ACTR3: variants seen among roughly 807,000 people sequenced by gnomAD.
ACTR3 encodes actin-related protein 3.
ACTR3 carries 12 observed loss-of-function variants against 56.8 expected under a neutral mutation model. The ratio of observed to expected loss-of-function variants is 0.21; its 90% CI spans 0.14 to 0.34. ACTR3 has a LOEUF of 0.34. Ranked by LOEUF, ACTR3 falls within the 10% of genes least tolerant of loss-of-function variation. The pLI, the probability that ACTR3 is intolerant of heterozygous loss-of-function variation, is 1.00. For synonymous variants in ACTR3, 162 were observed against 167.4 expected (o/e 0.97, Z 0.25); for missense variants, 282 against 512.5 (o/e 0.55, Z 4.34).
At chr2:113,950,402 A>G (rs1206074988) in intron 8 of ACTR3, among the ~76,000 whole-genome samples, 2 of 152,238 alleles carry the variant, frequency 1.3e-5, no homozygotes, top group Non-Finnish European at 2.9e-5. Context: ...TGTTTATAGT[A>G]TGAGAGCTGA....
At chr2:113,904,763 G>C (rs1327519204) in intron 1 of ACTR3, 1 of 152,164 alleles carries the variant, frequency 6.6e-6, no homozygotes, top group Non-Finnish European at 1.5e-5. Context: ...ATGTTTGAAA[G>C]CACCTCAGTG....
intron 2 of ACTR3, among the ~76,000 whole-genome samples, chr2:113,915,131 TACTG>T (rs946387437): frequency 6.6e-6 from 1 of 152,232 alleles, no homozygotes; most frequent in Middle Eastern, 3.2e-3. Context: ...TGTATGTACT[TACTG>T]GTTTCTTTAA....
At position 113,957,695 on chromosome 2, in the gene ACTR3, G is replaced by T; in HGVS notation, c.*240G>T. 2 of 428,368 alleles carry T rather than the reference G, an allele frequency of 4.7e-6. No individual in the cohort carries two copies. The highest frequency in any genetic ancestry group is 8.4e-6 in the Non-Finnish European group (2 of 236,694). The allele number at this position is 428,368 out of a possible 1,614,324, so 26.5% of individuals were successfully genotyped here. On this transcript the variant is annotated 3_prime_UTR_variant, in exon 12 of 12. Transcript: ENST00000263238. ...ATCTTATGTGTAACAAAAAGAAGTG[G>T]GTTTTAGTTCTTTCTGTGCCCTGAT...
chr2:113,928,180 T>A (rs953222851), intron 4 of ACTR3, among the ~76,000 whole-genome samples: 7 of 152,224 alleles, frequency 4.6e-5, no homozygotes, highest in African/African-American at 1.4e-4. Flanking sequence ...CATCACAATT[T>A]TTGGTTAAAT....
chr2:113,923,751 TCTC>T (rs1240446453), intron 3 of ACTR3, among the ~76,000 whole-genome samples: 5 of 151,602 alleles, frequency 3.3e-5, no homozygotes, highest in South Asian at 4.2e-4. Context: ...TTTTTTCTCT[TCTC>T]ATAAAATGGG....
intron 8 of ACTR3, among the ~76,000 whole-genome samples, chr2:113,947,929 T>C (rs1266814631): frequency 6.6e-6 from 1 of 152,014 alleles, no homozygotes; most frequent in East Asian, 1.9e-4. Context: ...TTTTGTTTTC[T>C]TTTTTTTAAA....
At chr2:113,952,907 C>T (rs1010168552) in intron 10 of ACTR3, 3 of 152,184 alleles carry the variant, frequency 2.0e-5, no homozygotes, top group African/African-American at 7.2e-5. Context: ...ACCCACATAT[C>T]TATCTACCCT....
chr2:113,930,903 T>C (rs548455256), intron 4 of ACTR3, among the ~76,000 whole-genome samples: 41 of 152,342 alleles, frequency 2.7e-4, no homozygotes, highest in African/African-American at 8.9e-4. Context: ...ATTACTTAGA[T>C]GAGGGCTCTC....
intron 1 of ACTR3, among the ~76,000 whole-genome samples, chr2:113,898,529 T>C (rs986169247): frequency 3.3e-5 from 5 of 152,190 alleles, no homozygotes; most frequent in Admixed American, 3.3e-4. Flanking sequence ...GTTAAAGTAG[T>C]TTTAGTTGAA....
chr2:113,937,168 ATC>A (rs1679843632), intron 6 of ACTR3, among the ~76,000 whole-genome samples: 1 of 152,136 alleles, frequency 6.6e-6, no homozygotes, highest in Non-Finnish European at 1.5e-5. Flanking sequence ...CAGTGGTGCG[ATC>A]TCAGCTCGCT....
chr2:113,901,817 A>T (rs1016911034), intron 1 of ACTR3, among the ~76,000 whole-genome samples: 5 of 152,230 alleles, frequency 3.3e-5, no homozygotes, highest in Admixed American at 1.3e-4. Flanking sequence ...ATTGTAATGG[A>T]ACATTGGCTT....
At chr2:113,908,623 C>G (rs756729636) in intron 1 of ACTR3, among the ~76,000 whole-genome samples, 2 of 151,616 alleles carry the variant, frequency 1.3e-5, no homozygotes, top group Non-Finnish European at 2.9e-5. Flanking sequence ...TTCTACGGTT[C>G]TGTTCTTATT....
At chr2:113,914,998 TG>T (rs1002801822) in intron 2 of ACTR3, among the ~76,000 whole-genome samples, 17 of 152,260 alleles carry the variant, frequency 1.1e-4, no homozygotes, top group African/African-American at 3.9e-4. Flanking sequence ...ATACGTTGAT[TG>T]TTTTTTGTCT....
intron 8 of ACTR3, among the ~76,000 whole-genome samples, chr2:113,948,229 G>A (rs1431338407): frequency 6.6e-6 from 1 of 152,016 alleles, no homozygotes; most frequent in African/African-American, 2.4e-5. Context: ...GTCATGGCTC[G>A]CTGCAGTCTC....
At chr2:113,896,090 G>A (rs1175116720) in intron 1 of ACTR3, among the ~76,000 whole-genome samples, 2 of 152,098 alleles carry the variant, frequency 1.3e-5, no homozygotes, top group Non-Finnish European at 2.9e-5. Context: ...CAAACTTCTA[G>A]CACAAGTAAT....
chr2:113,902,358 GTTTTTC>G (rs1303730578), intron 1 of ACTR3, among the ~76,000 whole-genome samples: 1 of 148,384 alleles, frequency 6.7e-6, no homozygotes, highest in Non-Finnish European at 1.5e-5. Context: ...TAAGCAAGTT[GTTTTTC>G]TTTTTTTTTT....
intron 7 of ACTR3, among the ~76,000 whole-genome samples, chr2:113,940,773 T>A (rs1224452667): frequency 6.6e-6 from 1 of 151,640 alleles, no homozygotes; most frequent in Non-Finnish European, 1.5e-5. Flanking sequence ...TTTTTTTTTT[T>A]TAATTACCTG....
In ACTR3 at chr2:113,960,722, G is replaced by C. The variant is rs894773037; in HGVS notation, c.*3267G>C. 1 of 151,682 alleles carries C rather than the reference G, an allele frequency of 6.6e-6. No homozygotes were observed. The highest frequency in any genetic ancestry group is 1.5e-5 in the Non-Finnish European group (1 of 67,824). The allele number at this position is 151,682 out of a possible 1,614,324, so 9.4% of individuals were successfully genotyped here. ...TGTGACCCATTCTTTCTGATCTTTC[G>C]TAGTTCATAGTCACCAGGCATGAGT... On this transcript the variant is annotated 3_prime_UTR_variant, in exon 12 of 12. Coordinates refer to ENST00000263238, the MANE Select transcript of ACTR3 (RefSeq NM_005721.5).
At chr2:113,890,516 TGGGGCG>T in intron 1 of ACTR3, 193 bp downstream of exon 1, 1 of 1,339,310 alleles carries the variant, frequency 7.5e-7, no homozygotes, top group East Asian at 3.0e-5. Flanking sequence ...CTCCTGGGAC[TGGGGCG>T]GGGGCGCGGG....
Sources: allele counts gnomAD v4.1 joint callset (sites outside exome capture counted in the v4.1 genomes callset), GRCh38; gene constraint gnomAD v4.1.1; transcripts MANE v1.5; gene names NCBI Gene and HGNC (gene_info 2026-07-23, HGNC 2026-07-21).